The following FAM3B variants were observed in gnomAD, a reference collection of about 807,000 sequenced individuals.
FAM3B encodes the protein protein FAM3B.
A neutral mutation model predicts 28.4 loss-of-function variants in FAM3B; 29 were observed. The ratio of observed to expected loss-of-function variants is 1.02; its 90% CI spans 0.76 to 1.39. FAM3B has a LOEUF of 1.39. Among genes scored for constraint, FAM3B ranks in the 40% most tolerant of loss-of-function variants. FAM3B has a pLI of 0.00. For missense variants in FAM3B, 266 were observed against 293.9 expected, an observed-to-expected ratio of 0.91 and a Z score of 0.69; for synonymous variants, 91 against 103.0, an observed-to-expected ratio of 0.88 and a Z score of 0.71.
chr21:41,342,547 A>G (rs73226128), intron 3 of FAM3B, among the ~76,000 whole-genome samples: 27,146 of 152,012 alleles, frequency 0.18, 2,637 homozygotes, highest in Non-Finnish European at 0.21. Flanking sequence ...GCTCTTTATC[A>G]TGGACAGAGT....
intron 7 of FAM3B, among the ~76,000 whole-genome samples, chr21:41,354,222 ATG>A (rs1454525148): frequency 8.5e-6 from 1 of 117,478 alleles, no homozygotes; most frequent in African/African-American, 6.0e-5. Flanking sequence ...TGTTGAAGAC[ATG>A]TGGCAATTCC....
chr21:41,328,714 C>A (rs1449017546), intron 2 of FAM3B, among the ~76,000 whole-genome samples: 1 of 152,154 alleles, frequency 6.6e-6, no homozygotes, highest in Non-Finnish European at 1.5e-5. Flanking sequence ...TAAATTAAAA[C>A]AGGGAGTGGG....
chr21:41,317,431 G>C (rs1371218452), intron 1 of FAM3B, among the ~76,000 whole-genome samples: 2 of 152,178 alleles, frequency 1.3e-5, no homozygotes, highest in Non-Finnish European at 2.9e-5. Flanking sequence ...ATAGGAAAAA[G>C]GAAAGGAGAA....
At position 41,348,649 on chromosome 21, in the gene FAM3B, C is replaced by T; in HGVS notation, c.543C>T (p.Asn181=). 1.1e-5 allele frequency: 18 copies of T among 1,614,226 alleles called. No individual in the cohort carries two copies. The highest frequency in any genetic ancestry group is 1.4e-5 in the Non-Finnish European group (16 of 1,180,036). ...CACTTGGAAGTAAAGAAATCAGGAA[C>T]ATGAAATTCAGGTCTAGCTGGGTAT... ...IEALGSKEIR[N]MKFRSSWVFI... The change falls in exon 7 of 8, where the codon AAC becomes AAT. Residue 181 remains asparagine (N), a synonymous_variant. Coordinates refer to ENST00000357985, the MANE Select transcript of FAM3B (RefSeq NM_058186.4).
intron 2 of FAM3B, among the ~76,000 whole-genome samples, chr21:41,332,448 A>G (rs1041532098): frequency 6.6e-6 from 1 of 152,186 alleles, no homozygotes; most frequent in African/African-American, 2.4e-5. Flanking sequence ...GGAATTTGGC[A>G]TCTACGTTCA....
chr21:41,317,210 T>A (rs2123689929), intron 1 of FAM3B, among the ~76,000 whole-genome samples: 1 of 152,178 alleles, frequency 6.6e-6, no homozygotes, highest in East Asian at 2.0e-4. Context: ...AACATTTTAC[T>A]TGGAAAGTAG....
chr21:41,336,984 G>A (rs2088961712), intron 2 of FAM3B, among the ~76,000 whole-genome samples: 1 of 152,130 alleles, frequency 6.6e-6, no homozygotes, highest in South Asian at 2.1e-4. Context: ...GAGCTCATCT[G>A]TGTCTTTTGA....
At chr21:41,355,258 T>G (rs1247405077) in intron 7 of FAM3B, among the ~76,000 whole-genome samples, 2 of 152,188 alleles carry the variant, frequency 1.3e-5, no homozygotes, top group African/African-American at 4.8e-5. Flanking sequence ...TGGGAAACAT[T>G]CTGGCAGTTC....
At chr21:41,339,717 A>T (rs1322973135) in intron 3 of FAM3B, among the ~76,000 whole-genome samples, 2 of 152,226 alleles carry the variant, frequency 1.3e-5, no homozygotes, top group Admixed American at 1.3e-4. Context: ...TGTTGTTTGC[A>T]GTTCCTCATA....
chr21:41,325,811 C>T (rs1601354387), intron 2 of FAM3B, among the ~76,000 whole-genome samples: 1 of 152,164 alleles, frequency 6.6e-6, no homozygotes, highest in East Asian at 1.9e-4. Context: ...CAGGAGAGTC[C>T]GGACGCAAGG....
At chr21:41,337,421 G>A (rs553285785) in intron 2 of FAM3B, among the ~76,000 whole-genome samples, 2 of 152,314 alleles carry the variant, frequency 1.3e-5, no homozygotes, top group East Asian at 1.9e-4. Context: ...AGGGCCAGGT[G>A]GGCTCCTCGC....
chr21:41,304,697 A>G (rs1404840917), intron 1 of FAM3B, among the ~76,000 whole-genome samples: 2 of 152,154 alleles, frequency 1.3e-5, no homozygotes, highest in Non-Finnish European at 2.9e-5. Context: ...CTGCATTCCC[A>G]GCAGAGGATT....
At chr21:41,333,907 G>T (rs1002333491) in intron 2 of FAM3B, among the ~76,000 whole-genome samples, 4 of 152,198 alleles carry the variant, frequency 2.6e-5, no homozygotes, top group African/African-American at 9.7e-5. Flanking sequence ...AGATGGAAAT[G>T]AGGAACTTAT....
chr21:41,355,313 T>C (rs996542628), intron 7 of FAM3B, among the ~76,000 whole-genome samples: 13 of 152,190 alleles, frequency 8.5e-5, no homozygotes, highest in Admixed American at 5.2e-4. Context: ...CAACAGTTCC[T>C]CTTGTAGGTA....
intron 7 of FAM3B, among the ~76,000 whole-genome samples, chr21:41,351,170 C>T (rs909356487): frequency 3.9e-5 from 6 of 152,178 alleles, no homozygotes; most frequent in Non-Finnish European, 7.3e-5. Flanking sequence ...AAACAAAAAC[C>T]TCATTGGAAT....
rs1359668486 is a variant in FAM3B at position 41,326,079 on chromosome 21, G to C, written c.163+3013G>C. ...GGCATAAGAAACAGGAGACTAAATAGAAGGTCCGCCGTTCTCCCTGGCTAG... is the reference window on the plus strand; with the variant it reads ...GGCATAAGAAACAGGAGACTAAATACAAGGTCCGCCGTTCTCCCTGGCTAG... On this transcript the variant is annotated intron_variant, in intron 2 of 7. Transcript: ENST00000357985. This position sits in a 1 kb window ranked among gnomAD's most constrained non-coding sequence, Gnocchi z 4.0. Among the ~76,000 whole-genome samples the C allele has an allele frequency of 6.6e-6, 1 of 152,218 alleles. No homozygotes were observed. The highest frequency in any genetic ancestry group is 2.4e-5 in the African/African-American group (1 of 41,444).
intron 1 of FAM3B, 146 bp from the exon 2 acceptor site, chr21:41,322,777 G>A: frequency 8.5e-7 from 1 of 1,172,602 alleles, no homozygotes; most frequent in African/African-American, 1.5e-5. Flanking sequence ...CTCCCACCCT[G>A]GGAGCCTCCT....
At chr21:41,305,416 T>C (rs1316123998) in intron 1 of FAM3B, among the ~76,000 whole-genome samples, 3 of 152,222 alleles carry the variant, frequency 2.0e-5, no homozygotes, top group African/African-American at 7.2e-5. Context: ...TTCTTCTGTT[T>C]AGCAGTCTTG....
Position 41,324,379 on chromosome 21 carries a change from G to A in FAM3B, c.163+1313G>A, listed in dbSNP as rs935760593. Among the ~76,000 whole-genome samples, 6 of 152,230 alleles carry A rather than the reference G, an allele frequency of 3.9e-5. No homozygotes were observed. In the East Asian group the frequency reaches 1.2e-3, roughly 29 times the overall value. On this transcript the variant is annotated intron_variant, in intron 2 of 7. Transcript: ENST00000357985. ...ATGATCAGCCACAGCTGGGCAGGCT[G>A]TGGTTACACAAGGGCGAGAGTATGG...
Sources: allele counts gnomAD v4.1 joint callset (sites outside exome capture counted in the v4.1 genomes callset), GRCh38; gene constraint gnomAD v4.1.1; non-coding constraint Gnocchi (gnomAD v3.1); transcripts MANE v1.5; gene names NCBI Gene and HGNC (gene_info 2026-07-23, HGNC 2026-07-21).